Variants in NXPH1 observed in about 807,000 individuals in gnomAD.
The protein encoded by NXPH1 is neurexophilin-1.
Under a neutral mutation model 23.7 loss-of-function variants are expected in NXPH1, and 5 were observed. That is an observed-to-expected ratio of 0.21 (90% confidence interval 0.11 to 0.44). The LOEUF (loss-of-function observed/expected upper bound fraction) is 0.44. Among genes scored for constraint, NXPH1 ranks in the 20% least tolerant of loss-of-function variants. The probability of loss-of-function intolerance (pLI) is 0.99; values close to 1 mark genes in which losing one functional copy is unlikely to be tolerated. For synonymous variants in NXPH1, 144 were observed against 122.2 expected (o/e 1.18, Z -1.18); for missense variants, 324 against 321.6 (o/e 1.01, Z -0.06).
chr7:8,710,644 T>TATGATAACACAAGGATACTGTA (rs1562461739), intron 2 of NXPH1, among the ~76,000 whole-genome samples: 1 of 19,690 alleles, frequency 5.1e-5, no homozygotes, highest in African/African-American at 1.9e-4. Flanking sequence ...TGTTACGTTT[T>TATGATAACACAAGGATACTGTA]TTGTTTTTTT....
chr7:8,634,964 GCTTCTCAC>G (rs2115137517), intron 2 of NXPH1, among the ~76,000 whole-genome samples: 1 of 148,490 alleles, frequency 6.7e-6, no homozygotes, highest in South Asian at 2.1e-4. Flanking sequence ...TGACTCTTTT[GCTTCTCAC>G]CATTGACATA....
chr7:8,475,004 C>T (rs895700020), intron 2 of NXPH1, among the ~76,000 whole-genome samples: 2 of 152,154 alleles, frequency 1.3e-5, no homozygotes, highest in African/African-American at 2.4e-5. Flanking sequence ...ACCAAAGTCC[C>T]AGCCCTGGAT....
intron 2 of NXPH1, among the ~76,000 whole-genome samples, chr7:8,721,856 G>A (rs1779976060): frequency 6.6e-6 from 1 of 152,356 alleles, no homozygotes; most frequent in Non-Finnish European, 1.5e-5. Context: ...TTAACATTAT[G>A]TGAGACTATG....
intron 2 of NXPH1, among the ~76,000 whole-genome samples, chr7:8,473,361 T>C (rs1563320627): frequency 6.6e-6 from 1 of 152,156 alleles, no homozygotes; most frequent in Non-Finnish European, 1.5e-5. Flanking sequence ...AAAGCCTTTT[T>C]CCCACTGCTA....
chr7:8,522,526 A>AATTCTT (rs1817790045), intron 2 of NXPH1, among the ~76,000 whole-genome samples: 1 of 152,250 alleles, frequency 6.6e-6, no homozygotes. Flanking sequence ...TTTGAGAGAC[A>AATTCTT]TGTTTATGAA....
At chr7:8,644,478 T>C (rs1276437011) in intron 2 of NXPH1, among the ~76,000 whole-genome samples, 1 of 152,182 alleles carries the variant, frequency 6.6e-6, no homozygotes, top group Non-Finnish European at 1.5e-5. Flanking sequence ...ATCGTCTCTT[T>C]ATTCTCTTGT....
chr7:8,566,967 A>G (rs115306188), intron 2 of NXPH1, among the ~76,000 whole-genome samples: 1 of 151,896 alleles, frequency 6.6e-6, no homozygotes, highest in Non-Finnish European at 1.5e-5. Context: ...GAAAAAAAGA[A>G]TACTTAAAGA....
In NXPH1 at chr7:8,751,993, A is replaced by C; in HGVS notation, c.*224A>C. The C allele has an allele frequency of 3.9e-6, 2 of 508,318 alleles. No homozygotes were observed. The highest frequency in any genetic ancestry group is 7.1e-6 in the Non-Finnish European group (2 of 283,186). The allele number at this position is 508,318 out of a possible 1,614,324, so 31.5% of individuals were successfully genotyped here. On this transcript the variant is annotated 3_prime_UTR_variant, in exon 3 of 3. Coordinates refer to ENST00000405863, the MANE Select transcript of NXPH1 (RefSeq NM_152745.3). This position sits in a 1 kb window ranked among gnomAD's most constrained non-coding sequence, Gnocchi z 4.5. ...AAATCATCACAGATTTTGAATTCAC[A>C]CCTGAAGACATGCTCTCACATATAG... is the stretch of plus-strand genomic sequence containing the variant.
chr7:8,665,907 TTTTTCTTTTTC>T (rs147029102), intron 2 of NXPH1, among the ~76,000 whole-genome samples: 64,188 of 116,150 alleles, frequency 0.55, 18,410 homozygotes, highest in East Asian at 0.68. Context: ...AAGAGGTTTT[TTTTTCTTTTTC>T]TTTTTTTTTT....
intron 2 of NXPH1, among the ~76,000 whole-genome samples, chr7:8,518,787 G>C (rs1170721394): frequency 6.6e-6 from 1 of 152,122 alleles, no homozygotes; most frequent in Non-Finnish European, 1.5e-5. Context: ...CACCCAAGTA[G>C]CTCTTTCTAA....
intron 2 of NXPH1, among the ~76,000 whole-genome samples, chr7:8,644,731 A>G (rs780669336): frequency 6.6e-6 from 1 of 152,134 alleles, no homozygotes; most frequent in Non-Finnish European, 1.5e-5. Context: ...TACCATCCAG[A>G]TTAAGAATTA....
intron 2 of NXPH1, among the ~76,000 whole-genome samples, chr7:8,565,242 G>C (rs1818520009): frequency 1.3e-5 from 2 of 151,782 alleles, no homozygotes; most frequent in South Asian, 4.1e-4. Flanking sequence ...ATCAAAATGT[G>C]ATTTTGCTGT....
chr7:8,637,333 C>G (rs1399810228), intron 2 of NXPH1, among the ~76,000 whole-genome samples: 1 of 152,098 alleles, frequency 6.6e-6, no homozygotes, highest in African/African-American at 2.4e-5. Flanking sequence ...AGTGATTCTC[C>G]TACACCAGCT....
intron 2 of NXPH1, among the ~76,000 whole-genome samples, chr7:8,620,266 T>A (rs1156915728): frequency 6.6e-6 from 1 of 152,200 alleles, no homozygotes; most frequent in Non-Finnish European, 1.5e-5. Context: ...TGGGAATGTT[T>A]TCACAGTCTG....
chr7:8,474,093 A>AT (rs1037583064), intron 2 of NXPH1, among the ~76,000 whole-genome samples: 43 of 152,284 alleles, frequency 2.8e-4, no homozygotes, highest in African/African-American at 9.9e-4. Context: ...ACAGCAAAAT[A>AT]TAACCTCGTG....
intron 2 of NXPH1, among the ~76,000 whole-genome samples, chr7:8,627,126 A>G (rs1820008715): frequency 6.6e-6 from 1 of 152,132 alleles, no homozygotes; most frequent in Non-Finnish European, 1.5e-5. Flanking sequence ...TGGCTAATAT[A>G]CATTTAAGTG....
intron 2 of NXPH1, among the ~76,000 whole-genome samples, chr7:8,508,480 C>A (rs1333857535): frequency 6.6e-6 from 1 of 152,134 alleles, no homozygotes; most frequent in East Asian, 1.9e-4. Flanking sequence ...AAAAAGCATT[C>A]ATTCAGTGAA....
intron 2 of NXPH1, among the ~76,000 whole-genome samples, chr7:8,681,954 A>G (rs550356174): frequency 6.6e-6 from 1 of 152,214 alleles, no homozygotes; most frequent in Non-Finnish European, 1.5e-5. Context: ...GAGATCCAGA[A>G]CCAGAAGTCC....
chr7:8,745,621 T>G (rs971059619), intron 2 of NXPH1, among the ~76,000 whole-genome samples: 55 of 152,100 alleles, frequency 3.6e-4, no homozygotes, highest in African/African-American at 1.3e-3. Flanking sequence ...GGTGCAATCT[T>G]GGCTCACTGC....
Sources: allele counts gnomAD v4.1 joint callset (sites outside exome capture counted in the v4.1 genomes callset), GRCh38; gene constraint gnomAD v4.1.1; non-coding constraint Gnocchi (gnomAD v3.1); transcripts MANE v1.5; gene names NCBI Gene and HGNC (gene_info 2026-07-23, HGNC 2026-07-21).